The following DMRT1 variants were observed in gnomAD, a reference collection of about 807,000 sequenced individuals.
DMRT1 encodes doublesex and mab-3 related transcription factor 1.
A neutral mutation model predicts 32.3 loss-of-function variants in DMRT1; 7 were observed. That is an observed-to-expected ratio of 0.22 (90% CI 0.12 to 0.41). DMRT1 has a LOEUF of 0.41. Ranked by LOEUF, DMRT1 falls within the 10% of genes least tolerant of loss-of-function variation. The pLI, the probability that DMRT1 is intolerant of heterozygous loss-of-function variation, is 1.00. For synonymous variants in DMRT1, 278 were observed against 206.1 expected (o/e 1.35, Z -2.99); for missense variants, 625 against 500.5 (o/e 1.25, Z -2.37).
intron 3 of DMRT1, among the ~76,000 whole-genome samples, chr9:916,279 A>C (rs1275886565): frequency 6.6e-6 from 1 of 152,194 alleles, no homozygotes; most frequent in Non-Finnish European, 1.5e-5. Context: ...TTAAGATAGA[A>C]AGGGCACCAT....
At position 968,110 on chromosome 9, in the gene DMRT1, G is replaced by A. The variant is rs1448794930; in HGVS notation, c.1093G>A (p.Val365Ile). Residue 365 changes from valine (V) to isoleucine (I), a missense_variant, in exon 5 of 5, where the codon GTC becomes ATC. Around this residue, in one of 3 missense-constraint regions of DMRT1, gnomAD observed 416 missense variants for 321.6 expected, o/e 1.29. Transcript: ENST00000382276. Reference sequence around the variant, plus strand: ...TGCGTCGGAGCCCAGCAGCTTCACAGTCACTCCCGTCATCGAGGAGGACGA... The same window carrying A: ...TGCGTCGGAGCCCAGCAGCTTCACAATCACTCCCGTCATCGAGGAGGACGA... ...EPASEPSSFT[V>I]TPVIEEDE 5 of 1,613,910 alleles carry A rather than the reference G, an allele frequency of 3.1e-6. No individual in the cohort carries two copies. Among genetic ancestry groups the A allele is most frequent in the Non-Finnish European group, 4.2e-6 (5 of 1,180,044 alleles).
At chr9:935,565 C>G (rs1042714376) in intron 4 of DMRT1, among the ~76,000 whole-genome samples, 2 of 152,180 alleles carry the variant, frequency 1.3e-5, no homozygotes, top group Admixed American at 6.5e-5. Context: ...TGCTCGCTTC[C>G]GCATACCAGT....
chr9:902,204 C>CT (rs1817613429), intron 3 of DMRT1, among the ~76,000 whole-genome samples: 1 of 149,812 alleles, frequency 6.7e-6, no homozygotes, highest in Non-Finnish European at 1.5e-5. Context: ...GCCACCGCGC[C>CT]AGCCACTTTT....
At chr9:880,180 A>G (rs946582071) in intron 2 of DMRT1, among the ~76,000 whole-genome samples, 1 of 152,172 alleles carries the variant, frequency 6.6e-6, no homozygotes, top group African/African-American at 2.4e-5. Context: ...TCCTTTAAGA[A>G]AAAGCAGTGA....
At chr9:884,578 T>C (rs1456265772) in intron 2 of DMRT1, among the ~76,000 whole-genome samples, 2 of 152,230 alleles carry the variant, frequency 1.3e-5, no homozygotes. Context: ...TCCAGATGTG[T>C]ATTTCTTGAG....
At chr9:937,729 A>G (rs190757650) in intron 4 of DMRT1, among the ~76,000 whole-genome samples, 2 of 151,904 alleles carry the variant, frequency 1.3e-5, no homozygotes, top group Non-Finnish European at 2.9e-5. Context: ...GGAGTTCTTT[A>G]TTATGTTCTG....
rs1554749518 is a variant in DMRT1, at chr9:878,209, C to CCCCCG, written c.539-15702_539-15701insCCCGC. Among the ~76,000 whole-genome samples the CCCCCG allele has an allele frequency of 3.1e-5, 4 of 127,190 alleles. No homozygotes were observed. In the South Asian group the frequency reaches 1.3e-3, roughly 40 times the overall value. 83.4% of individuals were successfully genotyped at this position (127,190 alleles called of 152,430 possible). Reference sequence around the variant, plus strand: ...TGGAACTGCAGCTGCTGCCCCCCCCCCACCCAATAAAAATGTCTGCCTGTC... The same window carrying CCCCCG: ...TGGAACTGCAGCTGCTGCCCCCCCCCCCCCGCACCCAATAAAAATGTCTGCCTGTC... On this transcript the variant is annotated intron_variant, in intron 2 of 4. Coordinates refer to ENST00000382276, the MANE Select transcript of DMRT1 (RefSeq NM_021951.3).
chr9:968,342 G>T lies in DMRT1; in HGVS notation c.*203G>T. 1 of 583,916 alleles carries T rather than the reference G, an allele frequency of 1.7e-6. No individual in the cohort carries two copies. The highest frequency in any genetic ancestry group is 2.0e-5 in the South Asian group (1 of 49,238). The allele number at this position is 583,916 out of a possible 1,614,324, so 36.2% of individuals were successfully genotyped here. A position where few individuals can be genotyped will look rare whatever the true frequency, so the allele number is the denominator to read the frequency against. On this transcript the variant is annotated 3_prime_UTR_variant, in exon 5 of 5. Coordinates refer to ENST00000382276, the MANE Select transcript of DMRT1 (RefSeq NM_021951.3). ...TGACTACCATCTGCATGGTTTAAGT[G>T]CTTTACTCACGGAGTTTAAATAATA...
rs1564204346 is a variant in DMRT1 at position 862,102 on chromosome 9, C to CCGGGCGGAGG, written c.538+14959_538+14960insCGGGCGGAGG. 3.8e-4 allele frequency among the ~76,000 whole-genome samples: 51 copies of CCGGGCGGAGG among 133,212 alleles called. 2 individuals carry two copies. Among genetic ancestry groups the CCGGGCGGAGG allele is most frequent in the African/African-American group, 1.3e-3 (46 of 36,674 alleles). 87.4% of individuals were successfully genotyped at this position (133,212 alleles called of 152,430 possible). A position where few individuals can be genotyped will look rare whatever the true frequency, so the allele number is the denominator to read the frequency against. ...GCTCCTCACTTCCTAGACGGGGTGG[C>CCGGGCGGAGG]GGCTGGGCAGAGGCTGCAATCTCAG... On this transcript the variant is annotated intron_variant, in intron 2 of 4. Transcript: ENST00000382276.
intron 3 of DMRT1, among the ~76,000 whole-genome samples, chr9:896,547 G>T (rs980057257): frequency 6.6e-6 from 1 of 152,076 alleles, no homozygotes; most frequent in Admixed American, 6.5e-5. Flanking sequence ...AGGTGCGGTG[G>T]CTCATGCCTG....
At chr9:843,742 T>C (rs778797397) in intron 1 of DMRT1, among the ~76,000 whole-genome samples, 127 of 152,216 alleles carry the variant, frequency 8.3e-4, no homozygotes, top group Admixed American at 1.2e-3. Context: ...TACTTTTGAT[T>C]AGGAACGTGT....
chr9:922,800 A>G (rs1270135320), intron 4 of DMRT1, among the ~76,000 whole-genome samples: 4 of 152,218 alleles, frequency 2.6e-5, no homozygotes, highest in Admixed American at 6.5e-5. Flanking sequence ...TGGTGCTTAC[A>G]GATCATGAAG....
At chr9:937,224 T>G (rs1337477657) in intron 4 of DMRT1, among the ~76,000 whole-genome samples, 4 of 152,342 alleles carry the variant, frequency 2.6e-5, no homozygotes, top group South Asian at 2.1e-4. Context: ...TGTGTGCGCC[T>G]TCTTTTGTTT....
At chr9:857,634 CTATTAT>C (rs1815456368) in intron 2 of DMRT1, among the ~76,000 whole-genome samples, 1 of 151,082 alleles carries the variant, frequency 6.6e-6, no homozygotes, top group Non-Finnish European at 1.5e-5. Flanking sequence ...CTTTTTTTTT[CTATTAT>C]TATACTTTAA....
intron 2 of DMRT1, among the ~76,000 whole-genome samples, chr9:858,989 C>T (rs1262033512): frequency 6.6e-6 from 1 of 151,886 alleles, no homozygotes; most frequent in Non-Finnish European, 1.5e-5. Context: ...TCCAGAACTT[C>T]CCAGACAGAA....
At chr9:944,199 G>C (rs1819168949) in intron 4 of DMRT1, among the ~76,000 whole-genome samples, 1 of 152,206 alleles carries the variant, frequency 6.6e-6, no homozygotes, top group Non-Finnish European at 1.5e-5. Flanking sequence ...CATGAGTGGT[G>C]TTCACTAATT....
chr9:922,825 T>C (rs1167061149), intron 4 of DMRT1, among the ~76,000 whole-genome samples: 1 of 152,180 alleles, frequency 6.6e-6, no homozygotes, highest in East Asian at 1.9e-4. Flanking sequence ...CATGTATTAC[T>C]CATTTAACAC....
intron 4 of DMRT1, among the ~76,000 whole-genome samples, chr9:944,464 C>G (rs1819177984): frequency 6.6e-6 from 1 of 152,158 alleles, no homozygotes; most frequent in Admixed American, 6.5e-5. Flanking sequence ...CTCCTCCCTC[C>G]TTTGAGAGAA....
intron 4 of DMRT1, among the ~76,000 whole-genome samples, chr9:928,677 C>G (rs1352754945): frequency 6.6e-6 from 1 of 152,006 alleles, no homozygotes; most frequent in Non-Finnish European, 1.5e-5. Flanking sequence ...GGTGGGTCGG[C>G]CCAACATGTA....
Sources: allele counts gnomAD v4.1 joint callset (sites outside exome capture counted in the v4.1 genomes callset), GRCh38; gene constraint gnomAD v4.1.1; regional missense constraint gnomAD v4.1.1; transcripts MANE v1.5; gene names NCBI Gene and HGNC (gene_info 2026-07-23, HGNC 2026-07-21).